Variants in NAA60 observed in about 807,000 individuals in gnomAD.
The protein encoded by NAA60 is N-alpha-acetyltransferase 60, NatF catalytic subunit.
In NAA60, 8 loss-of-function variants were observed where a neutral mutation model predicts 26.1. The ratio of observed to expected loss-of-function variants is 0.31; its 90% CI spans 0.18 to 0.55. NAA60 has a LOEUF of 0.55. Ranked by LOEUF, NAA60 falls within the 20% of genes least tolerant of loss-of-function variation. The pLI, the probability that NAA60 is intolerant of heterozygous loss-of-function variation, is 0.93. For missense variants in NAA60, 290 were observed against 311.3 expected, an observed-to-expected ratio of 0.93 and a Z score of 0.51; for synonymous variants, 131 against 122.5, an observed-to-expected ratio of 1.07 and a Z score of -0.46.
At chr16:3,458,092 GC>G in intron 2 of NAA60, 1 of 985,316 alleles carries the variant, frequency 1.0e-6, no homozygotes, top group Non-Finnish European at 1.2e-6. Flanking sequence ...CTCGTTGCGG[GC>G]TCCGCGCGGT....
At chr16:3,458,106 C>T (rs2035101880) in intron 2 of NAA60, 1 of 985,314 alleles carries the variant, frequency 1.0e-6, no homozygotes, top group African/African-American at 1.7e-5. Context: ...CGCGCGGTCC[C>T]ACTTCCCGGC....
intron 2 of NAA60, among the ~76,000 whole-genome samples, chr16:3,466,048 T>A (rs1318446316): frequency 6.6e-6 from 1 of 152,212 alleles, no homozygotes. Flanking sequence ...TGCAGCCAAG[T>A]GCACAGCTTC....
intron 2 of NAA60, among the ~76,000 whole-genome samples, chr16:3,451,023 G>C (rs1245266337): frequency 6.6e-6 from 1 of 152,204 alleles, no homozygotes; most frequent in African/African-American, 2.4e-5. Flanking sequence ...CAGACACTTA[G>C]TAAATAATGC....
intron 2 of NAA60, among the ~76,000 whole-genome samples, chr16:3,461,521 T>C (rs900313139): frequency 2.6e-4 from 39 of 152,194 alleles, no homozygotes; most frequent in African/African-American, 8.9e-4. Context: ...TCGCGAGAAC[T>C]GGCTATGAGT....
At chr16:3,473,552 A>G (rs564447942) in intron 2 of NAA60, among the ~76,000 whole-genome samples, 8 of 152,168 alleles carry the variant, frequency 5.3e-5, no homozygotes, top group Non-Finnish European at 1.0e-4. Context: ...ACAATTCAAG[A>G]TGAGATTTGG....
At chr16:3,472,973 CT>C (rs1452594302) in intron 2 of NAA60, among the ~76,000 whole-genome samples, 1 of 152,116 alleles carries the variant, frequency 6.6e-6, no homozygotes, top group Non-Finnish European at 1.5e-5. Context: ...TTCATCTGTT[CT>C]TTTAGAGGTT....
intron 2 of NAA60, among the ~76,000 whole-genome samples, chr16:3,462,086 C>CAAAAAAAAAAAAAAAA (rs1228233879): frequency 1.3e-5 from 1 of 76,794 alleles, no homozygotes; most frequent in African/African-American, 5.3e-5. Context: ...GACCTTATAT[C>CAAAAAAAAAAAAAAAA]AAAAAAAAAA....
rs1183351195 is a variant in NAA60 at position 3,443,690 on chromosome 16, TG to T, written c.-222del. The T allele has an allele frequency of 2.1e-6, 3 of 1,401,222 alleles. No individual in the cohort carries two copies. In the African/African-American group the frequency reaches 4.4e-5, roughly 21 times the overall value. 86.8% of individuals were successfully genotyped at this position (1,401,222 alleles called of 1,614,324 possible). On this transcript the variant is annotated 5_prime_UTR_variant, in exon 1 of 8. Transcript: ENST00000407558. ...TCTAAGCAACCATTTCCGCTTCCGC[TG>T]GCGGGGTCTCCTCCGTGAGCTCCGG...
chr16:3,446,037 T>C (rs2034536752), intron 1 of NAA60, among the ~76,000 whole-genome samples: 1 of 152,220 alleles, frequency 6.6e-6, no homozygotes, highest in Non-Finnish European at 1.5e-5. Context: ...CATGTTTTAA[T>C]CATCAAAATT....
chr16:3,483,295 C>A, intron 5 of NAA60, 68 bp from the exon 6 acceptor site: 2 of 1,171,140 alleles, frequency 1.7e-6, no homozygotes, highest in South Asian at 2.6e-5. Context: ...GCAAAGCCCC[C>A]ATCCTAGCCC....
intron 2 of NAA60, among the ~76,000 whole-genome samples, chr16:3,467,189 G>A (rs1000694746): frequency 6.6e-6 from 1 of 152,186 alleles, no homozygotes; most frequent in Non-Finnish European, 1.5e-5. Context: ...AGGTAGGTGG[G>A]AGAATCTTCA....
At chr16:3,481,591 G>A (rs1293091803) in intron 4 of NAA60, among the ~76,000 whole-genome samples, 4 of 152,182 alleles carry the variant, frequency 2.6e-5, no homozygotes, top group African/African-American at 4.8e-5. Context: ...CATGTTCCCG[G>A]CTCTCAGTAG....
At chr16:3,476,200 TC>T (rs537397777) in intron 2 of NAA60, 21 bp from the exon 3 acceptor site, 101 of 1,539,806 alleles carry the variant, frequency 6.6e-5, no homozygotes, top group Admixed American at 8.8e-5. Context: ...AGGTGACGCG[TC>T]CCCCCCACCC....
At position 3,454,280 on chromosome 16, in the gene NAA60, G is replaced by A. The variant is rs761102572; in HGVS notation, c.-7+5740G>A. Among the ~76,000 whole-genome samples the A allele has an allele frequency of 8.5e-5, 13 of 152,168 alleles. No individual in the cohort carries two copies. In the East Asian group the frequency reaches 2.1e-3, roughly 25 times the overall value. Reference sequence around the variant, plus strand: ...CCATGACCTGGCAGCTTGGTATGTCGCTACACTGCAGGAGCCTGCTGGCTT... The same window carrying A: ...CCATGACCTGGCAGCTTGGTATGTCACTACACTGCAGGAGCCTGCTGGCTT... On this transcript the variant is annotated intron_variant, in intron 2 of 7. Coordinates refer to ENST00000407558, the MANE Select transcript of NAA60 (RefSeq NM_001083601.3).
In NAA60 at chr16:3,485,839, T is replaced by TG; in HGVS notation, c.*584dup. 1 of 362,670 alleles carries TG rather than the reference T, an allele frequency of 2.8e-6. No individual in the cohort carries two copies. The allele number at this position is 362,670 out of a possible 1,614,324, so 22.5% of individuals were successfully genotyped here. On this transcript the variant is annotated 3_prime_UTR_variant, in exon 8 of 8. Transcript: ENST00000407558. The stretch of plus-strand genomic sequence containing the variant: ...AGGGGCTGATGAGGGGTGGGCAGCC[T>TG]GGGGGAGGCTTTCCTCGCAAGCACA...
chr16:3,479,335 G>A lies in NAA60; in HGVS notation c.111-136G>A, dbSNP rs1041722113. The A allele has an allele frequency of 7.5e-5, 60 of 797,434 alleles. 1 individual carries two copies. Among genetic ancestry groups the A allele is most frequent in the Middle Eastern group, 2.9e-4 (1 of 3,438 alleles). The allele number at this position is 797,434 out of a possible 1,614,324, so 49.4% of individuals were successfully genotyped here. A position where few individuals can be genotyped will look rare whatever the true frequency, so the allele number is the denominator to read the frequency against. On this transcript the variant is annotated intron_variant, in intron 3 of 7. Coordinates refer to ENST00000407558, the MANE Select transcript of NAA60 (RefSeq NM_001083601.3). ...GTGACAGTTAGGTAGAGACTTAAGT[G>A]ATGGGCACACTCCTCGGCAGCCTTA...
At chr16:3,457,655 C>T (rs908725917) in intron 2 of NAA60, among the ~76,000 whole-genome samples, 4 of 152,222 alleles carry the variant, frequency 2.6e-5, no homozygotes, top group African/African-American at 9.6e-5. Flanking sequence ...CAGTTGTTGG[C>T]CAGCCCCGGC....
At chr16:3,447,868 A>C (rs2034617083) in intron 1 of NAA60, among the ~76,000 whole-genome samples, 2 of 152,334 alleles carry the variant, frequency 1.3e-5, no homozygotes, top group South Asian at 4.1e-4. Flanking sequence ...TCTTTTAATT[A>C]GAAAAAAGCT....
chr16:3,483,880 C>G, intron 6 of NAA60: 1 of 471,904 alleles, frequency 2.1e-6, no homozygotes, highest in Non-Finnish European at 3.8e-6. Flanking sequence ...GGCATGAGCC[C>G]TGCACCCAGC....
Sources: allele counts gnomAD v4.1 joint callset (sites outside exome capture counted in the v4.1 genomes callset), GRCh38; gene constraint gnomAD v4.1.1; transcripts MANE v1.5; gene names NCBI Gene and HGNC (gene_info 2026-07-23, HGNC 2026-07-21).